The following SLC13A4 variants were observed in gnomAD, a reference collection of about 807,000 sequenced individuals.
SLC13A4 encodes the protein solute carrier family 13 member 4, also known as Na(+)/sulfate cotransporter SUT-1.
SLC13A4 carries 28 observed loss-of-function variants against 72.7 expected under a neutral mutation model. The ratio of observed to expected loss-of-function variants is 0.39; its 90% confidence interval spans 0.29 to 0.53. The LOEUF (loss-of-function observed/expected upper bound fraction) is 0.53. Among genes scored for constraint, SLC13A4 ranks in the 20% least tolerant of loss-of-function variants. SLC13A4 has a pLI of 0.78. For missense variants in SLC13A4, 653 were observed against 788.0 expected (o/e 0.83, Z 2.05); for synonymous variants, 312 against 325.5 (o/e 0.96, Z 0.45).
At chr7:135,715,494 G>GGTGA (rs61474808) in intron 2 of SLC13A4, among the ~76,000 whole-genome samples, 45,363 of 151,052 alleles carry the variant, frequency 0.3, 7,165 homozygotes, top group Admixed American at 0.38. Flanking sequence ...TGTATGAGTG[G>GGTGA]GTGTGTAGGA....
chr7:135,718,110 C>T (rs948355545), intron 2 of SLC13A4, among the ~76,000 whole-genome samples: 2 of 127,642 alleles, frequency 1.6e-5, no homozygotes, highest in Admixed American at 7.4e-5. Context: ...CACGCGTGCG[C>T]GCTAGTCTCC....
intron 7 of SLC13A4, among the ~76,000 whole-genome samples, chr7:135,701,238 A>G (rs1796027540): frequency 6.6e-6 from 1 of 152,236 alleles, no homozygotes; most frequent in Non-Finnish European, 1.5e-5. Flanking sequence ...TTTGAAATCA[A>G]CGGTCGTAAG....
intron 5 of SLC13A4, chr7:135,705,064 C>T (rs906062291): frequency 3.3e-5 from 5 of 153,074 alleles, no homozygotes; most frequent in Admixed American, 1.9e-4. Context: ...CCTTTTCCAG[C>T]TCTGCTTCCC....
chr7:135,703,092 G>A (rs1019260254), intron 5 of SLC13A4: 18 of 579,774 alleles, frequency 3.1e-5, no homozygotes, highest in Admixed American at 9.3e-5. Context: ...GCTTCCTTCT[G>A]AGGGCAGGGG....
intron 6 of SLC13A4, 135 bp from the exon 7 acceptor site, chr7:135,701,895 AGCATATACACCAGGGCACCTCAGCCAG>A: frequency 2.7e-6 from 2 of 751,168 alleles, no homozygotes; most frequent in Non-Finnish European, 4.3e-6. Context: ...AGCCAGGGGG[AGCATATACACCAGGGCACCTCAGCCAG>A]GCCTGCCCCG....
chr7:135,691,379 G>T, intron 12 of SLC13A4, 54 bp from the exon 13 acceptor site: 1 of 1,454,848 alleles, frequency 6.9e-7, no homozygotes, highest in South Asian at 1.1e-5. Context: ...GTGATTTGTG[G>T]AGACAGGAGC....
In SLC13A4 at chr7:135,695,425, G is replaced by C. The variant is rs1388183623; in HGVS notation, c.962C>G (p.Ser321Cys). 5 of 1,614,186 alleles carry C rather than the reference G, an allele frequency of 3.1e-6. No homozygotes were observed. The highest frequency in any genetic ancestry group is 3.3e-4 in the Middle Eastern group (2 of 6,062). ...GTWFLFSFPISLIMLVVSWFW... is the reference protein window; with the variant it reads ...GTWFLFSFPICLIMLVVSWFW... ...CCAGCTGACCACCAGCATGATGAGG[G>C]ATATGGGGAAGCTGAAGAGGAACCA... The change falls in exon 9 of 16, where the codon TCC becomes TGC. Residue 321 changes from serine (S) to cysteine (C), a missense_variant. By Grantham distance (112) the Ser-to-Cys change is moderately radical (BLOSUM62 -1). Coordinates refer to ENST00000682651, the MANE Select transcript of SLC13A4 (RefSeq NM_001318192.2).
chr7:135,716,449 C>T lies in SLC13A4; in HGVS notation c.228+4946G>A, dbSNP rs76082543. On this transcript the variant is annotated intron_variant, in intron 2 of 15. Transcript: ENST00000682651. ...CCTCCTGAGTAGCTGGGACTACAGG[C>T]ATGCACCACCATACCCTGCTAATTT... 1.6e-3 allele frequency among the ~76,000 whole-genome samples: 249 copies of T among 152,292 alleles called. 5 individuals are homozygous for T. The East Asian group carries it at 0.041, about 25-fold the overall frequency.
chr7:135,695,888 GAC>G (rs1194211011), intron 8 of SLC13A4, among the ~76,000 whole-genome samples: 2 of 152,176 alleles, frequency 1.3e-5, no homozygotes, highest in Non-Finnish European at 2.9e-5. Context: ...TTGATTGGGG[GAC>G]ACAATTCTGG....
Position 135,681,635 on chromosome 7 carries a change from C to G in SLC13A4, c.1812G>C (p.Trp604Cys). 6.2e-7 allele frequency: 1 copy of G among 1,614,110 alleles called. No homozygotes were observed. The highest frequency in any genetic ancestry group is 8.5e-7 in the Non-Finnish European group (1 of 1,179,992). ...TGTCCAGGTGGAAGAGGCTAACTCC[C>G]CAGGTGTTGATGGCCACCATTACTA... ...LVIVMVAINT[W>C]GVSLFHLDTY... Residue 604 changes from tryptophan (W) to cysteine (C), a missense_variant, in exon 16 of 16, where the codon TGG (tryptophan) becomes TGC (cysteine). Physicochemically the swap from Trp to Cys is radical, Grantham distance 215 (BLOSUM62 -2). Transcript: ENST00000682651.
At chr7:135,701,783 A>G (rs373809325) in intron 6 of SLC13A4, 23 bp from the exon 7 acceptor site, 42 of 1,610,680 alleles carry the variant, frequency 2.6e-5, no homozygotes, top group Non-Finnish European at 3.4e-5. Flanking sequence ...AGGCCATCTC[A>G]CTATTAGGAA....
At chr7:135,715,342 T>G (rs1368273940) in intron 2 of SLC13A4, among the ~76,000 whole-genome samples, 2 of 150,464 alleles carry the variant, frequency 1.3e-5, no homozygotes, top group African/African-American at 2.5e-5. Flanking sequence ...TGTATGTATA[T>G]GTGAGCGTGT....
Position 135,728,023 on chromosome 7 carries a change from C to G in SLC13A4, c.-527G>C, listed in dbSNP as rs1242854828. The stretch of plus-strand genomic sequence containing the variant: ...TCGCTGTTGGTAAGACTCTAGTAGC[C>G]CCTTTCCTTAAAACAAGCACCTGAG... On this transcript the variant is annotated 5_prime_UTR_variant, in exon 1 of 16. Coordinates refer to ENST00000682651, the MANE Select transcript of SLC13A4 (RefSeq NM_001318192.2). 6.6e-6 allele frequency: 1 copy of G among 152,284 alleles called. No homozygotes were observed. Among genetic ancestry groups the G allele is most frequent in the Non-Finnish European group, 1.5e-5 (1 of 68,170 alleles). 9.4% of individuals were successfully genotyped at this position (152,284 alleles called of 1,614,324 possible). A position where few individuals can be genotyped will look rare whatever the true frequency, so the allele number is the denominator to read the frequency against.
intron 2 of SLC13A4, among the ~76,000 whole-genome samples, chr7:135,714,487 G>A (rs1796370502): frequency 6.6e-6 from 1 of 152,226 alleles, no homozygotes; most frequent in African/African-American, 2.4e-5. Flanking sequence ...AAGGCTGCAA[G>A]GTCTGTAGGC....
intron 7 of SLC13A4, among the ~76,000 whole-genome samples, chr7:135,700,418 C>T (rs1796004280): frequency 1.3e-5 from 2 of 152,156 alleles, no homozygotes; most frequent in South Asian, 4.1e-4. Context: ...CAAGTCAGGT[C>T]ATGAAAGAAC....
intron 13 of SLC13A4, chr7:135,689,005 C>T (rs1379807840): frequency 6.6e-6 from 1 of 152,108 alleles, no homozygotes; most frequent in African/African-American, 2.4e-5. Context: ...CTCACTTCAA[C>T]CTCCTGAGTA....
Position 135,681,422 on chromosome 7 carries a change from A to C in SLC13A4, c.*141T>G. 2.0e-6 allele frequency: 2 copies of C among 1,022,402 alleles called. No homozygotes were observed. The highest frequency in any genetic ancestry group is 2.8e-6 in the Non-Finnish European group (2 of 714,050). 63.3% of individuals were successfully genotyped at this position (1,022,402 alleles called of 1,614,324 possible). ...TCCTGCAGTTCACTTGAGGTGGCGG[A>C]ATCTTCTGGTGGAGGGATGCCCTCC... On this transcript the variant is annotated 3_prime_UTR_variant, in exon 16 of 16. Coordinates refer to ENST00000682651, the MANE Select transcript of SLC13A4 (RefSeq NM_001318192.2).
At chr7:135,691,349 C>G in intron 12 of SLC13A4, 24 bp from the exon 13 acceptor site, 1 of 1,608,954 alleles carries the variant, frequency 6.2e-7, no homozygotes, top group Non-Finnish European at 8.5e-7. Flanking sequence ...AGATGTAAAG[C>G]CAGATAAACC....
At chr7:135,722,817 G>A (rs1445555790) in intron 1 of SLC13A4, among the ~76,000 whole-genome samples, 1 of 152,096 alleles carries the variant, frequency 6.6e-6, no homozygotes, top group Non-Finnish European at 1.5e-5. Context: ...CCCTGTAAGA[G>A]TTAATAAGGA....
Sources: allele counts gnomAD v4.1 joint callset (sites outside exome capture counted in the v4.1 genomes callset), GRCh38; gene constraint gnomAD v4.1.1; transcripts MANE v1.5; gene names NCBI Gene and HGNC (gene_info 2026-07-23, HGNC 2026-07-21).